Variants in CHD4 observed in about 807,000 individuals in gnomAD.
CHD4 encodes ATP-dependent chromatin remodeler CHD4.
In CHD4, 35 loss-of-function variants were observed where a neutral mutation model predicts 235.5. The ratio of observed to expected loss-of-function variants is 0.15; its 90% CI spans 0.11 to 0.20. The LOEUF (loss-of-function observed/expected upper bound fraction) is 0.20. Among genes scored for constraint, CHD4 ranks in the 10% least tolerant of loss-of-function variants. The pLI is 1.00. For synonymous variants in CHD4, 900 were observed against 850.2 expected (o/e 1.06, Z -1.02); for missense variants, 1,329 against 2,432.3 (o/e 0.55, Z 9.54).
chr12:6,571,389 T>C (rs1366323779), intron 38 of CHD4: 1 of 214,110 alleles, frequency 4.7e-6, no homozygotes, highest in African/African-American at 2.3e-5. Context: ...TCATAACCTT[T>C]TACTTTAATT....
At chr12:6,606,043 C>A (rs764350470) in intron 2 of CHD4, among the ~76,000 whole-genome samples, 1 of 152,200 alleles carries the variant, frequency 6.6e-6, no homozygotes, top group Non-Finnish European at 1.5e-5. Flanking sequence ...AACTGCAGAG[C>A]ATTCCTCAAG....
In CHD4 at chr12:6,606,416, C is replaced by T. The variant is rs1173404707; in HGVS notation, c.-43G>A. On this transcript the variant is annotated 5_prime_UTR_variant, in exon 2 of 40. Transcript: ENST00000544040. ...CAGGGAATTGGCCCAGCTGCTCCTG[C>T]CGGCGGCCTGAGGACCTCTACACTG... 3 of 1,449,178 alleles carry T rather than the reference C, an allele frequency of 2.1e-6. No individual in the cohort carries two copies. Among genetic ancestry groups the T allele is most frequent in the Admixed American group, 2.1e-5 (1 of 46,678 alleles). 89.8% of individuals were successfully genotyped at this position (1,449,178 alleles called of 1,614,324 possible).
chr12:6,590,195 C>G (rs931441217), intron 22 of CHD4: 1 of 139,280 alleles, frequency 7.2e-6, no homozygotes, highest in African/African-American at 3.1e-5. Flanking sequence ...GAGACTCCAT[C>G]CCGAAGAAGA....
chr12:6,601,596 A>C, intron 5 of CHD4, 52 bp downstream of exon 5: 1 of 1,613,412 alleles, frequency 6.2e-7, no homozygotes, highest in Non-Finnish European at 8.5e-7. Flanking sequence ...AGAAGTAAGA[A>C]GAGAGAACAG....
chr12:6,597,427 C>T (rs1325480357), intron 12 of CHD4, among the ~76,000 whole-genome samples: 1 of 152,164 alleles, frequency 6.6e-6, no homozygotes, highest in African/African-American at 2.4e-5. Context: ...GATCACGACA[C>T]TGCACTCAAG....
In CHD4 at chr12:6,581,316, G is replaced by A. The variant is rs960717003; in HGVS notation, c.4754C>T (p.Ser1585Phe). 1.2e-6 allele frequency: 2 copies of A among 1,614,196 alleles called. No homozygotes were observed. The highest frequency in any genetic ancestry group is 2.2e-5 in the East Asian group (1 of 44,884). The part of the protein sequence containing the change: ...ESIEGEKEVK[S>F]TAPETAIECT... Reference sequence around the variant, plus strand: ...CTCAATGGCAGTCTCAGGGGCTGTAGATTTAACCTCCTTTTCTCCTTCTAT... The same window carrying A: ...CTCAATGGCAGTCTCAGGGGCTGTAAATTTAACCTCCTTTTCTCCTTCTAT... Residue 1585 changes from serine to phenylalanine, a missense_variant, in exon 32 of 40, where the codon TCT becomes TTT. Ser to Phe is a radical substitution (Grantham distance 155). This residue lies in a region of CHD4 where 219 missense variants were observed against 219.3 expected (regional missense o/e 1.00). Coordinates refer to ENST00000544040, the MANE Select transcript of CHD4 (RefSeq NM_001273.5).
At position 6,598,115 on chromosome 12, in the gene CHD4, G is replaced by C; in HGVS notation, c.1687-16C>G. 2 of 1,613,942 alleles carry C rather than the reference G, an allele frequency of 1.2e-6. No individual in the cohort carries two copies. Among genetic ancestry groups the C allele is most frequent in the Non-Finnish European group, 1.7e-6 (2 of 1,179,900 alleles). On this transcript the variant is annotated splice_polypyrimidine_tract_variant and intron_variant, in intron 11 of 39. Coordinates refer to ENST00000544040, the MANE Select transcript of CHD4 (RefSeq NM_001273.5). Reference sequence around the variant, plus strand: ...GCAGCTCCAGCTTTGAGCGGAAAGAGAAAATCAGCCACCAAGAAGCTGTGT... The same window carrying C: ...GCAGCTCCAGCTTTGAGCGGAAAGACAAAATCAGCCACCAAGAAGCTGTGT...
At position 6,595,315 on chromosome 12, in the gene CHD4, C is replaced by G. The variant is rs1948468461; in HGVS notation, c.2121+19G>C. ...ATTGTCCTACCCAACAAACTACAGT[C>G]CCTTCCACCCCCACTCACATCAACT... is the stretch of plus-strand genomic sequence containing the variant. On this transcript the variant is annotated intron_variant, in intron 14 of 39. Coordinates refer to ENST00000544040, the MANE Select transcript of CHD4 (RefSeq NM_001273.5). The G allele has an allele frequency of 6.2e-7, 1 of 1,605,006 alleles. No homozygotes were observed. Among genetic ancestry groups the G allele is most frequent in the Non-Finnish European group, 8.5e-7 (1 of 1,172,018 alleles).
At chr12:6,596,724 C>T (rs1948504153) in intron 12 of CHD4, among the ~76,000 whole-genome samples, 1 of 151,882 alleles carries the variant, frequency 6.6e-6, no homozygotes, top group Non-Finnish European at 1.5e-5. Context: ...TGCTTGAACC[C>T]GGGCGGCGGA....
chr12:6,581,030 G>C lies in CHD4; in HGVS notation c.4909+14C>G. 1 of 1,611,778 alleles carries C rather than the reference G, an allele frequency of 6.2e-7. No individual in the cohort carries two copies. On this transcript the variant is annotated intron_variant, in intron 33 of 39. Coordinates refer to ENST00000544040, the MANE Select transcript of CHD4 (RefSeq NM_001273.5). The stretch of plus-strand genomic sequence containing the variant: ...AAACAAACAAACAAACAAAAAAAAT[G>C]TGGATACCTTTACCTTTGGGCTCTG...
chr12:6,576,908 G>A (rs928367324), intron 37 of CHD4, among the ~76,000 whole-genome samples: 3 of 151,438 alleles, frequency 2.0e-5, no homozygotes, highest in Non-Finnish European at 2.9e-5. Context: ...TTTCTTCCCC[G>A]ATTATACTCA....
In CHD4 at chr12:6,593,622, A is replaced by G. The variant is rs758332449; in HGVS notation, c.2314-6T>C. ...AAGGGGCCTTTGGAATGACCCTTTG[A>G]GAAAAAAGAGGAGAGTCAGGACTGA... is the stretch of plus-strand genomic sequence containing the variant. On this transcript the variant is annotated splice_region_variant and splice_polypyrimidine_tract_variant and intron_variant, in intron 15 of 39. Transcript: ENST00000544040. The surrounding 1 kb of genome is among the most constrained non-coding windows in gnomAD (Gnocchi z 4.9). 2 of 1,613,900 alleles carry G rather than the reference A, an allele frequency of 1.2e-6. No homozygotes were observed. Among genetic ancestry groups the G allele is most frequent in the Non-Finnish European group, 8.5e-7 (1 of 1,179,938 alleles).
Position 6,593,403 on chromosome 12 carries a change from T to C in CHD4, c.2514+13A>G, listed in dbSNP as rs1347916194. 1 of 1,612,662 alleles carries C rather than the reference T, an allele frequency of 6.2e-7. No homozygotes were observed. The highest frequency in any genetic ancestry group is 1.7e-5 in the Admixed American group (1 of 59,994). On this transcript the variant is annotated intron_variant, in intron 16 of 39. Transcript: ENST00000544040. The surrounding 1 kb of genome is among the most constrained non-coding windows in gnomAD (Gnocchi z 4.9). ...AACTCTTTCTCTAGGGTGGCTTCCC[T>C]CCCCTGAGATACCTTCATGCGGGAG...
rs1235447926 is a variant in CHD4, at chr12:6,581,716, T to G, written c.4614A>C (p.Pro1538=). ...KKMSQPGSPS[P]KTPTPSTPGD... is the part of the protein sequence containing the mutation. ...CTGGAGTGGAGGGTGTAGGAGTTTTTGGGGAGGGTGACCCTGGCTGGGACA... is the reference window on the plus strand; with the variant it reads ...CTGGAGTGGAGGGTGTAGGAGTTTTGGGGGAGGGTGACCCTGGCTGGGACA... The change falls in exon 31 of 40, where the codon CCA becomes CCC. Residue 1538 remains proline (P), a synonymous_variant. Coordinates refer to ENST00000544040, the MANE Select transcript of CHD4 (RefSeq NM_001273.5). The G allele has an allele frequency of 1.9e-6, 3 of 1,607,216 alleles. No individual in the cohort carries two copies. The highest frequency in any genetic ancestry group is 2.7e-5 in the African/African-American group (2 of 74,802).
chr12:6,585,232 T>G (rs1034323199), intron 25 of CHD4, among the ~76,000 whole-genome samples: 14 of 152,160 alleles, frequency 9.2e-5, no homozygotes, highest in Admixed American at 7.9e-4. Flanking sequence ...ACATACTATT[T>G]TTTTTACTAT....
At chr12:6,597,785 A>C in intron 12 of CHD4, 109 bp downstream of exon 12, 1 of 1,032,098 alleles carries the variant, frequency 9.7e-7, no homozygotes, top group Non-Finnish European at 1.5e-6. Context: ...AACAAACAAA[A>C]AAAACCAGTG....
chr12:6,602,186 G>A lies in CHD4; in HGVS notation c.223-11C>T. On this transcript the variant is annotated splice_polypyrimidine_tract_variant and intron_variant, in intron 3 of 39. Coordinates refer to ENST00000544040, the MANE Select transcript of CHD4 (RefSeq NM_001273.5). The stretch of plus-strand genomic sequence containing the variant: ...GCATAAGAGCATACGCTGGAGCAGG[G>A]CAAGGGGGGAAGAGGGAGACAGACA... The A allele has an allele frequency of 6.2e-7, 1 of 1,613,594 alleles. No individual in the cohort carries two copies. The highest frequency in any genetic ancestry group is 2.2e-5 in the East Asian group (1 of 44,860).
At chr12:6,578,809 T>G (rs1948118500) in intron 34 of CHD4, 37 bp downstream of exon 34, 2 of 1,597,154 alleles carry the variant, frequency 1.3e-6, no homozygotes, top group Non-Finnish European at 1.7e-6. Context: ...GGTTTTAGAG[T>G]TCTTCTGAAC....
intron 32 of CHD4, 43 bp downstream of exon 32, chr12:6,581,248 C>T (rs1207810221): frequency 1.9e-6 from 3 of 1,613,420 alleles, no homozygotes; most frequent in Non-Finnish European, 2.5e-6. Flanking sequence ...ACTGGACTTA[C>T]ACATTTGTCT....
Sources: allele counts gnomAD v4.1 joint callset (sites outside exome capture counted in the v4.1 genomes callset), GRCh38; gene constraint gnomAD v4.1.1; regional missense constraint gnomAD v4.1.1; non-coding constraint Gnocchi (gnomAD v3.1); transcripts MANE v1.5; gene names NCBI Gene and HGNC (gene_info 2026-07-23, HGNC 2026-07-21).